Variants in PUS3 observed in about 807,000 individuals in gnomAD.
PUS3 encodes the protein tRNA pseudouridine(38/39) synthase.
Under a neutral mutation model 43.3 loss-of-function variants are expected in PUS3, and 36 were observed. That is an observed-to-expected ratio of 0.83 (90% confidence interval 0.64 to 1.10). The LOEUF (loss-of-function observed/expected upper bound fraction) is 1.10. Among genes scored for constraint, PUS3 ranks in the 50% least tolerant of loss-of-function variants. PUS3 has a pLI of 0.00. For missense variants in PUS3, 544 were observed against 589.9 expected (o/e 0.92, Z 0.81); for synonymous variants, 183 against 199.2 (o/e 0.92, Z 0.69).
intron 1 of PUS3, chr11:125,900,927 G>A (rs1332406097): frequency 6.6e-6 from 1 of 151,682 alleles, no homozygotes; most frequent in Non-Finnish European, 1.5e-5. Context: ...GGAGAATGGC[G>A]TGAACCCCAG....
Position 125,893,583 on chromosome 11 carries a change from CT to C in PUS3, c.*201del, listed in dbSNP as rs1944473341. ...TTTTACGTTCTTTAATCGCTTAATCCTTTTGGACCGGGATAAGAGAATATTT... is the reference window on the plus strand; with the variant it reads ...TTTTACGTTCTTTAATCGCTTAATCCTTTGGACCGGGATAAGAGAATATTT... On this transcript the variant is annotated 3_prime_UTR_variant, in exon 4 of 4. Transcript: ENST00000227474. 1 of 466,764 alleles carries C rather than the reference CT, an allele frequency of 2.1e-6. No homozygotes were observed. The highest frequency in any genetic ancestry group is 3.7e-6 in the Non-Finnish European group (1 of 270,540). The allele number at this position is 466,764 out of a possible 1,614,324, so 28.9% of individuals were successfully genotyped here.
Position 125,894,239 on chromosome 11 carries a change from T to C in PUS3, c.992A>G (p.Asn331Ser). ...PLVLYDCKFE[N>S]VKWIYDQEAQ... The stretch of plus-strand genomic sequence containing the variant: ...CTCCTGGTCATAGATCCACTTGACA[T>C]TTTCAAACTTACAGTCATATAAGAC... The change falls in exon 4 of 4, where the codon AAT becomes AGT. Residue 331 changes from asparagine (N) to serine (S), a missense_variant. By Grantham distance (46) the Asn-to-Ser change is conservative (BLOSUM62 1). Coordinates refer to ENST00000227474, the MANE Select transcript of PUS3 (RefSeq NM_031307.4). 1.2e-6 allele frequency: 2 copies of C among 1,612,966 alleles called. No individual in the cohort carries two copies. Among genetic ancestry groups the C allele is most frequent in the South Asian group, 2.2e-5 (2 of 91,050 alleles).
rs1349187737 is a variant in PUS3, at chr11:125,900,082, C to A, written c.-47+3088G>T. 3 of 1,614,202 alleles carry A rather than the reference C, an allele frequency of 1.9e-6. No individual in the cohort carries two copies. The highest frequency in any genetic ancestry group is 2.5e-6 in the Non-Finnish European group (3 of 1,180,038). On this transcript the variant is annotated intron_variant, in intron 1 of 3. Transcript: ENST00000227474. ...GTGAAGATCATAGAAAGGAATTACG[C>A]TGGGGTGTCCGAGAGCAGATGCTTT...
rs12274443 is a variant in PUS3 at position 125,896,258 on chromosome 11, G to T, written c.27C>A (p.Asn9Lys). 4 of 1,611,690 alleles carry T rather than the reference G, an allele frequency of 2.5e-6. No individual in the cohort carries two copies. Among genetic ancestry groups the T allele is most frequent in the Non-Finnish European group, 3.4e-6 (4 of 1,178,200 alleles). Reference protein sequence around the residue: MAYNDTDRNQTEKLLKRVR... With the variant: MAYNDTDRKQTEKLLKRVR... ...CTCTTTTTAGGAGCTTCTCAGTCTGGTTTCTGTCTGTGTCATTATAAGCCA... is the reference window on the plus strand; with the variant it reads ...CTCTTTTTAGGAGCTTCTCAGTCTGTTTTCTGTCTGTGTCATTATAAGCCA... The change falls in exon 2 of 4, where the codon AAC becomes AAA. Residue 9 changes from asparagine to lysine, a missense_variant. Physicochemically the swap from Asn to Lys is moderately conservative, Grantham distance 94 (BLOSUM62 0). Transcript: ENST00000227474.
In PUS3 at chr11:125,893,781, A is replaced by G. The variant is rs767187090; in HGVS notation, c.*4T>C. 2.7e-5 allele frequency: 43 copies of G among 1,594,718 alleles called. No individual in the cohort carries two copies. The South Asian group carries it at 3.1e-4, about 12-fold the overall frequency. On this transcript the variant is annotated 3_prime_UTR_variant, in exon 4 of 4. Transcript: ENST00000227474. ...GTTCCTAGATCCTGGCAAATTGTCTATGGTTAAATGATGCTTTTAATTTCT... is the reference window on the plus strand; with the variant it reads ...GTTCCTAGATCCTGGCAAATTGTCTGTGGTTAAATGATGCTTTTAATTTCT...
Position 125,893,852 on chromosome 11 carries a change from T to C in PUS3, c.1379A>G (p.Glu460Gly), listed in dbSNP as rs1944485182. The C allele has an allele frequency of 2.5e-6, 4 of 1,614,034 alleles. No individual in the cohort carries two copies. Among genetic ancestry groups the C allele is most frequent in the African/African-American group, 1.3e-5 (1 of 74,940 alleles). Reference sequence around the variant, plus strand: ...CGTTGGTGTCTCCAAATTAGTATTCTCTTCCTCTAGTGTGTCATTACAGTC... The same window carrying C: ...CGTTGGTGTCTCCAAATTAGTATTCCCTTCCTCTAGTGTGTCATTACAGTC... ...KRDCNDTLEE[E>G]NTNLETPTKR... is the part of the protein sequence containing the mutation. Residue 460 changes from glutamate (E) to glycine (G), a missense_variant, in exon 4 of 4, where the codon GAG becomes GGG. Coordinates refer to ENST00000227474, the MANE Select transcript of PUS3 (RefSeq NM_031307.4).
At chr11:125,902,131 C>T (rs1944789186) in intron 1 of PUS3, among the ~76,000 whole-genome samples, 1 of 152,090 alleles carries the variant, frequency 6.6e-6, no homozygotes, top group African/African-American at 2.4e-5. Flanking sequence ...GGACTTGGTA[C>T]ACTACAGTGC....
chr11:125,893,684 G>C lies in PUS3; in HGVS notation c.*101C>G. On this transcript the variant is annotated 3_prime_UTR_variant, in exon 4 of 4. Transcript: ENST00000227474. ...TGCTTTTTTTTTTCTTTTAAGAGCT[G>C]ATCATCTGAATTCCTAGTACTTGCA... 3.8e-6 allele frequency: 3 copies of C among 788,950 alleles called. No homozygotes were observed. The highest frequency in any genetic ancestry group is 5.6e-6 in the Non-Finnish European group (3 of 540,122). The allele number at this position is 788,950 out of a possible 1,614,324, so 48.9% of individuals were successfully genotyped here. A position where few individuals can be genotyped will look rare whatever the true frequency, so the allele number is the denominator to read the frequency against.
rs1364671743 is a variant in PUS3, at chr11:125,895,415, C to G, written c.753G>C (p.Gln251His). ...ILSAQVQLVG[Q>H]SPGEGRWQEP... The stretch of plus-strand genomic sequence containing the variant: ...CTTGCCATCTCCCCTCACCTGGGCT[C>G]TGGCCCACTAGCTGTACTTGAGCAG... The change falls in exon 3 of 4, where the codon CAG becomes CAC. Residue 251 changes from glutamine to histidine, a missense_variant. Coordinates refer to ENST00000227474, the MANE Select transcript of PUS3 (RefSeq NM_031307.4). 3.1e-6 allele frequency: 5 copies of G among 1,613,970 alleles called. No homozygotes were observed. In the African/African-American group the frequency reaches 4.0e-5, roughly 13 times the overall value.
At position 125,895,466 on chromosome 11, in the gene PUS3, C is replaced by G. The variant is rs1251768294; in HGVS notation, c.702G>C (p.Val234=). 1.9e-6 allele frequency: 3 copies of G among 1,614,128 alleles called. No homozygotes were observed. The South Asian group carries it at 3.3e-5, about 18-fold the overall frequency. Residue 234 remains valine (V), a synonymous_variant, in exon 3 of 4, where the codon GTG becomes GTC. Coordinates refer to ENST00000227474, the MANE Select transcript of PUS3 (RefSeq NM_031307.4). ...NLCKMDVANG[V]INFQRTILSA... ...ATAGAATAGTCCTCTGAAAATTAAT[C>G]ACACCGTTGGCTACATCCATTTTAC...
chr11:125,902,513 T>A (rs1944804877), intron 1 of PUS3, among the ~76,000 whole-genome samples: 1 of 147,480 alleles, frequency 6.8e-6, no homozygotes, highest in East Asian at 2.0e-4. Flanking sequence ...AGTTGGAGGC[T>A]GAGGTGGAAG....
In PUS3 at chr11:125,895,549, C is replaced by T; in HGVS notation, c.619G>A (p.Val207Ile). 1.2e-6 allele frequency: 2 copies of T among 1,614,160 alleles called. No homozygotes were observed. Among genetic ancestry groups the T allele is most frequent in the Non-Finnish European group, 1.7e-6 (2 of 1,180,034 alleles). The change falls in exon 3 of 4, where the codon GTA becomes ATA. Residue 207 changes from valine to isoleucine, a missense_variant. Physicochemically the swap from Val to Ile is conservative, Grantham distance 29. Transcript: ENST00000227474. ...TTCTGAGCTGCATAATCCATGGTTA[C>T]AATATCTAAATCAGCACGAGGGAAA... The part of the protein sequence containing the change: ...YFFPRADLDI[V>I]TMDYAAQKYV...
chr11:125,901,008 CAA>C (rs10533810), intron 1 of PUS3, among the ~76,000 whole-genome samples: 81,354 of 125,202 alleles, frequency 0.65, 25,641 homozygotes, highest in Admixed American at 0.69. Context: ...GACTCCGTCT[CAA>C]AAAAAAAAAA....
intron 1 of PUS3, chr11:125,900,868 G>T (rs1591509520): frequency 6.5e-6 from 1 of 152,862 alleles, no homozygotes; most frequent in East Asian, 1.9e-4. Context: ...AAATTAGCCG[G>T]GCGAGGTGGC....
chr11:125,896,073 T>C lies in PUS3; in HGVS notation c.212A>G (p.Tyr71Cys), dbSNP rs761792490. 133 of 1,614,128 alleles carry C rather than the reference T, an allele frequency of 8.2e-5. No homozygotes were observed. Among genetic ancestry groups the C allele is most frequent in the Non-Finnish European group, 1.1e-4 (124 of 1,180,044 alleles). Residue 71 changes from tyrosine to cysteine, a missense_variant, in exon 2 of 4, where the codon TAT becomes TGT. Coordinates refer to ENST00000227474, the MANE Select transcript of PUS3 (RefSeq NM_031307.4). ...AAAGCCCTGGTATCCCCAGCCCATA[T>C]AGGCTATTCTTAGGGCTACGTGTCT... ...GRRHVALRIAYMGWGYQGFAS... is the reference protein window; with the variant it reads ...GRRHVALRIACMGWGYQGFAS...
At position 125,900,793 on chromosome 11, in the gene PUS3, G is replaced by A. The variant is rs1458993610; in HGVS notation, c.-47+2377C>T. On this transcript the variant is annotated intron_variant, in intron 1 of 3. Coordinates refer to ENST00000227474, the MANE Select transcript of PUS3 (RefSeq NM_031307.4). Reference sequence around the variant, plus strand: ...TGGGAGGCTGAGGCGGGCGGATCACGAGGTCAGGAGATCGAGACCATCCTG... The same window carrying A: ...TGGGAGGCTGAGGCGGGCGGATCACAAGGTCAGGAGATCGAGACCATCCTG... 10 of 159,214 alleles carry A rather than the reference G, an allele frequency of 6.3e-5. No homozygotes were observed. The East Asian group carries it at 7.4e-4, about 12-fold the overall frequency. 9.9% of individuals were successfully genotyped at this position (159,214 alleles called of 1,614,324 possible).
At chr11:125,894,948 T>TA (rs1944528884) in intron 3 of PUS3, among the ~76,000 whole-genome samples, 2 of 152,170 alleles carry the variant, frequency 1.3e-5, no homozygotes, top group Admixed American at 6.5e-5. Context: ...TGCTCCCTCT[T>TA]ACATGTTCAT....
chr11:125,897,952 A>C (rs893184912), intron 1 of PUS3, among the ~76,000 whole-genome samples: 7 of 152,232 alleles, frequency 4.6e-5, no homozygotes, highest in Non-Finnish European at 7.3e-5. Context: ...CAGTAAGGGA[A>C]TGGCTGACTA....
At chr11:125,902,386 G>C (rs1169639556) in intron 1 of PUS3, among the ~76,000 whole-genome samples, 3 of 151,800 alleles carry the variant, frequency 2.0e-5, no homozygotes, top group African/African-American at 7.3e-5. Context: ...CGGGGGGGAG[G>C]GGGGGTCGCT....
Sources: allele counts gnomAD v4.1 joint callset (sites outside exome capture counted in the v4.1 genomes callset), GRCh38; gene constraint gnomAD v4.1.1; transcripts MANE v1.5; gene names NCBI Gene and HGNC (gene_info 2026-07-23, HGNC 2026-07-21).